EML4: variants seen among roughly 807,000 people sequenced by gnomAD.
EML4 encodes EMAP like 4, also known as echinoderm microtubule-associated protein-like 4.
A neutral mutation model predicts 129.0 loss-of-function variants in EML4; 72 were observed. That is an observed-to-expected ratio of 0.56 (90% confidence interval 0.46 to 0.68). The LOEUF (loss-of-function observed/expected upper bound fraction) is 0.68, where lower values mean the gene tolerates loss of function less well. Among genes scored for constraint, EML4 ranks in the 30% least tolerant of loss-of-function variants. The probability of loss-of-function intolerance (pLI) is 0.00; values close to 1 mark genes in which losing one functional copy is unlikely to be tolerated. For missense variants in EML4, 1,363 were observed against 1,190.6 expected (o/e 1.14, Z -2.13); for synonymous variants, 532 against 405.0 (o/e 1.31, Z -3.77).
In EML4 at chr2:42,169,801, G is replaced by A. The variant is rs959891671; in HGVS notation, c.25+165G>A. 1.3e-5 allele frequency: 9 copies of A among 670,960 alleles called. No individual in the cohort carries two copies. In the East Asian group the frequency reaches 2.4e-4, roughly 18 times the overall value. 41.6% of individuals were successfully genotyped at this position (670,960 alleles called of 1,614,324 possible). ...GCCCCTCCGCGGACTCCGGTGGACT[G>A]AGGGCCCCTCCCCCATGTCCAACTC... On this transcript the variant is annotated intron_variant, in intron 1 of 22. Transcript: ENST00000318522.
At chr2:42,308,804 G>A (rs1381375717) in intron 17 of EML4, among the ~76,000 whole-genome samples, 3 of 151,944 alleles carry the variant, frequency 2.0e-5, no homozygotes, top group African/African-American at 7.3e-5. Context: ...TAGGTTGTCT[G>A]TTCTGGGCAT....
chr2:42,328,641 C>A (rs1669935945), intron 21 of EML4, among the ~76,000 whole-genome samples: 1 of 152,034 alleles, frequency 6.6e-6, no homozygotes, highest in Non-Finnish European at 1.5e-5. Flanking sequence ...CATTGAGTAC[C>A]ATTGAGTCTT....
rs535900479 is a variant in EML4 at position 42,223,758 on chromosome 2, A to G, written c.26-21747A>G. On this transcript the variant is annotated intron_variant, in intron 1 of 22. Transcript: ENST00000318522. Reference sequence around the variant, plus strand: ...CCATTACATTTTCACTAATCTTTGGACAATTTGAATAAATATGCATAATAG... The same window carrying G: ...CCATTACATTTTCACTAATCTTTGGGCAATTTGAATAAATATGCATAATAG... Among the ~76,000 whole-genome samples, 234 of 152,254 alleles carry G rather than the reference A, an allele frequency of 1.5e-3. 3 individuals carry two copies. Among genetic ancestry groups the G allele is most frequent in the African/African-American group, 5.1e-3 (211 of 41,554 alleles).
chr2:42,180,415 T>C (rs1203731155), intron 1 of EML4, among the ~76,000 whole-genome samples: 4 of 152,142 alleles, frequency 2.6e-5, no homozygotes, highest in Non-Finnish European at 5.9e-5. Flanking sequence ...TATTGAAAAA[T>C]AGGGTGATCT....
At chr2:42,253,014 G>T (rs1675882295) in intron 2 of EML4, among the ~76,000 whole-genome samples, 1 of 152,072 alleles carries the variant, frequency 6.6e-6, no homozygotes, top group South Asian at 2.1e-4. Context: ...ATTATAATTG[G>T]TCCTGAGTAA....
At chr2:42,196,520 C>G (rs1200455730) in intron 1 of EML4, among the ~76,000 whole-genome samples, 1 of 152,180 alleles carries the variant, frequency 6.6e-6, no homozygotes, top group Non-Finnish European at 1.5e-5. Context: ...CAATCACCAA[C>G]AAATCTAGAC....
chr2:42,314,987 C>G (rs1669160406), intron 17 of EML4, among the ~76,000 whole-genome samples: 1 of 152,198 alleles, frequency 6.6e-6, no homozygotes, highest in Non-Finnish European at 1.5e-5. Flanking sequence ...ATACCTCTTT[C>G]AAAAAATTTA....
intron 19 of EML4, 68 bp from the exon 20 acceptor site, chr2:42,325,399 C>G (rs2103827162): frequency 1.4e-6 from 1 of 725,066 alleles, no homozygotes; most frequent in Admixed American, 2.0e-5. Flanking sequence ...ACAGTATTGG[C>G]TAGCTGTTGA....
chr2:42,257,787 C>T (rs1004971404), intron 3 of EML4, among the ~76,000 whole-genome samples: 5 of 149,314 alleles, frequency 3.3e-5, no homozygotes, highest in African/African-American at 4.9e-5. Context: ...CAGTGAGCCA[C>T]GATTGCGCCA....
At chr2:42,247,231 A>G (rs985901788) in intron 2 of EML4, among the ~76,000 whole-genome samples, 2 of 152,176 alleles carry the variant, frequency 1.3e-5, no homozygotes, top group African/African-American at 2.4e-5. Flanking sequence ...GAGAACCACA[A>G]CTTCTAGCCC....
At chr2:42,218,605 ATACAG>A (rs1354990935) in intron 1 of EML4, among the ~76,000 whole-genome samples, 1 of 152,162 alleles carries the variant, frequency 6.6e-6, no homozygotes, top group Admixed American at 6.5e-5. Flanking sequence ...TCTGAAGAGA[ATACAG>A]TAGTGGAGGA....
intron 6 of EML4, among the ~76,000 whole-genome samples, chr2:42,277,663 G>A (rs936168385): frequency 2.0e-5 from 3 of 150,486 alleles, no homozygotes; most frequent in Admixed American, 1.3e-4. Flanking sequence ...CCGCCTCCCA[G>A]GTTCAAGCAA....
chr2:42,249,293 A>ATT (rs10699779), intron 2 of EML4, among the ~76,000 whole-genome samples: 1 of 151,252 alleles, frequency 6.6e-6, no homozygotes, highest in Non-Finnish European at 1.5e-5. Context: ...TTTATGTGTG[A>ATT]TTTTTTAGCC....
intron 8 of EML4, 53 bp from the exon 9 acceptor site, chr2:42,284,581 T>C: frequency 7.7e-7 from 1 of 1,294,308 alleles, no homozygotes; most frequent in African/African-American, 1.5e-5. Flanking sequence ...ACAAAGGTAT[T>C]CTGTTGTTTC....
At chr2:42,219,852 G>A (rs1673451811) in intron 1 of EML4, among the ~76,000 whole-genome samples, 1 of 151,956 alleles carries the variant, frequency 6.6e-6, no homozygotes, top group African/African-American at 2.4e-5. Context: ...CTTGAACCTG[G>A]GAGGTGGGGG....
intron 9 of EML4, among the ~76,000 whole-genome samples, chr2:42,285,023 G>C (rs886100097): frequency 6.6e-6 from 1 of 152,020 alleles, no homozygotes; most frequent in Non-Finnish European, 1.5e-5. Context: ...GGAAGGTACT[G>C]CAGTTTCCCT....
intron 1 of EML4, among the ~76,000 whole-genome samples, chr2:42,197,200 C>G (rs922025276): frequency 6.6e-6 from 1 of 152,038 alleles, no homozygotes; most frequent in Non-Finnish European, 1.5e-5. Flanking sequence ...GTGGCTGGCA[C>G]CACAGGCACG....
At chr2:42,189,425 A>T (rs1441418519) in intron 1 of EML4, among the ~76,000 whole-genome samples, 1 of 152,122 alleles carries the variant, frequency 6.6e-6, no homozygotes, top group African/African-American at 2.4e-5. Context: ...CTAGAGAGAA[A>T]ATAAGTGAGC....
rs149359504 is a variant in EML4, at chr2:42,306,154, G to C, written c.1967+1603G>C. Among the ~76,000 whole-genome samples the C allele has an allele frequency of 3.0e-3, 450 of 152,310 alleles. 1 individual carries two copies. The highest frequency in any genetic ancestry group is 5.1e-3 in the Non-Finnish European group (348 of 68,028). ...CTAGCTCAGATCTTCCCCAAAACAC[G>C]TAAGTAATAGATCATGATGAGGTTT... On this transcript the variant is annotated intron_variant, in intron 17 of 22. Coordinates refer to ENST00000318522, the MANE Select transcript of EML4 (RefSeq NM_019063.5).
Sources: allele counts gnomAD v4.1 joint callset (sites outside exome capture counted in the v4.1 genomes callset), GRCh38; gene constraint gnomAD v4.1.1; transcripts MANE v1.5; gene names NCBI Gene and HGNC (gene_info 2026-07-23, HGNC 2026-07-21).